The following FBN2 variants were observed in gnomAD, a reference collection of about 807,000 sequenced individuals.
The protein encoded by FBN2 is fibrillin-2.
A neutral mutation model predicts 355.6 loss-of-function variants in FBN2; 105 were observed. The observed-to-expected ratio is 0.30, with a 90% confidence interval of 0.25 to 0.35. The LOEUF (loss-of-function observed/expected upper bound fraction) is 0.35, where lower values mean the gene tolerates loss of function less well. Among genes scored for constraint, FBN2 ranks in the 10% least tolerant of loss-of-function variants. The probability of loss-of-function intolerance (pLI) is 1.00; values close to 1 mark genes in which losing one functional copy is unlikely to be tolerated. For missense variants in FBN2, 3,280 were observed against 3,758.7 expected (o/e 0.87, Z 3.33); for synonymous variants, 1,350 against 1,301.2 (o/e 1.04, Z -0.81).
chr5:128,366,160 G>A (rs1347976532), intron 17 of FBN2, among the ~76,000 whole-genome samples: 1 of 151,874 alleles, frequency 6.6e-6, no homozygotes, highest in African/African-American at 2.4e-5. Context: ...TTTTAACAAT[G>A]CATATTTAAC....
rs756142055 is a variant in FBN2, at chr5:128,332,927, C to T, written c.4207G>A (p.Gly1403Ser). The stretch of plus-strand genomic sequence containing the variant: ...GCAAACTCACCAATACACTTGATGC[C>T]GTTTCCAATCCAGCCTTCTCTGCAG... ...CSCREGWIGN[G>S]IKCIDLDECS... is the part of the protein sequence containing the mutation. The change falls in exon 32 of 65, where the codon GGC becomes AGC. Residue 1403 changes from glycine to serine, a missense_variant. Physicochemically the swap from Gly to Ser is moderately conservative, Grantham distance 56 (BLOSUM62 0). Transcript: ENST00000262464. The T allele has an allele frequency of 1.2e-5, 19 of 1,613,838 alleles. No individual in the cohort carries two copies. In the East Asian group the frequency reaches 1.8e-4, roughly 15 times the overall value.
At position 128,276,149 on chromosome 5, in the gene FBN2, A is replaced by T; in HGVS notation, c.7483T>A (p.Cys2495Ser). 6.2e-7 allele frequency: 1 copy of T among 1,613,760 alleles called. No individual in the cohort carries two copies. The highest frequency in any genetic ancestry group is 8.5e-7 in the Non-Finnish European group (1 of 1,179,732). The change falls in exon 59 of 65, where the codon TGC becomes AGC. Residue 2495 changes from cysteine (C) to serine (S), a missense_variant. This residue lies in a region of FBN2 where 2,284 missense variants were observed against 2,749.5 expected (regional missense o/e 0.83). Coordinates refer to ENST00000262464, the MANE Select transcript of FBN2 (RefSeq NM_001999.4). ...TTGCATGGTTTCGGGGACTGGGAGC[A>T]TTCATCAAGGTCTAAGTAAAAGTGA... is the stretch of plus-strand genomic sequence containing the variant. Reference protein sequence around the residue: ...SGTSCIDLDECSQSPKPCNYI... With the variant: ...SGTSCIDLDESSQSPKPCNYI...
chr5:128,427,487 C>T (rs559863193), intron 7 of FBN2, among the ~76,000 whole-genome samples: 2 of 152,256 alleles, frequency 1.3e-5, no homozygotes, highest in South Asian at 2.1e-4. Context: ...GAACTCTGAC[C>T]GCCATTCTTT....
At chr5:128,395,049 G>C (rs1288170333) in intron 9 of FBN2, 73 bp downstream of exon 9, 6 of 1,562,806 alleles carry the variant, frequency 3.8e-6, no homozygotes, top group Non-Finnish European at 5.3e-6. Context: ...GTCTCCCAGA[G>C]AGCAAAATAC....
intron 15 of FBN2, among the ~76,000 whole-genome samples, chr5:128,373,162 C>T (rs1012562149): frequency 6.6e-6 from 1 of 152,118 alleles, no homozygotes; most frequent in Non-Finnish European, 1.5e-5. Context: ...TTATGTTTTA[C>T]TGAATTCCTA....
chr5:128,344,936 G>T (rs1751130975), intron 24 of FBN2, among the ~76,000 whole-genome samples: 1 of 151,710 alleles, frequency 6.6e-6, no homozygotes. Flanking sequence ...CCTGACCTCA[G>T]GTGATCCACC....
At position 128,537,429 on chromosome 5, in the gene FBN2, G is replaced by T; in HGVS notation, c.175C>A (p.Leu59Ile). The T allele has an allele frequency of 6.2e-7, 1 of 1,609,534 alleles. No individual in the cohort carries two copies. The change falls in exon 1 of 65, where the codon CTA (leucine) becomes ATA (isoleucine). Residue 59 changes from leucine (L) to isoleucine (I), a missense_variant. By Grantham distance (5) the Leu-to-Ile change is conservative. Coordinates refer to ENST00000262464, the MANE Select transcript of FBN2 (RefSeq NM_001999.4). ...CCCTCCTCGCGATACTCGGGCGCTA[G>T]AAACCCGCCTTCAGAGCCTGCTGTA... ...SATAGSEGGF[L>I]APEYREEGAA...
At position 128,286,777 on chromosome 5, in the gene FBN2, G is replaced by T. The variant is rs371248509; in HGVS notation, c.6953C>A (p.Thr2318Asn). The stretch of plus-strand genomic sequence containing the variant: ...TCCAGGAGGGCAGATGCACATGAAG[G>T]TGCCGATTAGATTCTTACACATCAT... ...RGMMCKNLIG[T>N]FMCICPPGMA... The change falls in exon 55 of 65, where the codon ACC (threonine) becomes AAC (asparagine). Residue 2318 changes from threonine (T) to asparagine (N), a missense_variant. This residue lies in a region of FBN2 where 2,284 missense variants were observed against 2,749.5 expected (regional missense o/e 0.83). Coordinates refer to ENST00000262464, the MANE Select transcript of FBN2 (RefSeq NM_001999.4). The T allele has an allele frequency of 1.9e-6, 3 of 1,614,068 alleles. No individual in the cohort carries two copies. Among genetic ancestry groups the T allele is most frequent in the African/African-American group, 2.7e-5 (2 of 75,032 alleles).
At chr5:128,414,477 TA>T (rs1462887685) in intron 7 of FBN2, among the ~76,000 whole-genome samples, 16 of 152,198 alleles carry the variant, frequency 1.1e-4, no homozygotes, top group African/African-American at 3.9e-4. Flanking sequence ...TTTTAATTGC[TA>T]AATAATATTC....
chr5:128,524,226 T>C (rs1756507968), intron 4 of FBN2, among the ~76,000 whole-genome samples: 1 of 152,134 alleles, frequency 6.6e-6, no homozygotes, highest in Non-Finnish European at 1.5e-5. Context: ...CAGAACAATT[T>C]TTCCATAGAT....
At position 128,258,637 on chromosome 5, in the gene FBN2, G is replaced by C. The variant is rs1355878019; in HGVS notation, c.*818C>G. 1 of 152,606 alleles carries C rather than the reference G, an allele frequency of 6.6e-6. No homozygotes were observed. The highest frequency in any genetic ancestry group is 1.5e-5 in the Non-Finnish European group (1 of 68,068). The allele number at this position is 152,606 out of a possible 1,614,324, so 9.5% of individuals were successfully genotyped here. On this transcript the variant is annotated 3_prime_UTR_variant, in exon 65 of 65. Coordinates refer to ENST00000262464, the MANE Select transcript of FBN2 (RefSeq NM_001999.4). ...AGCACATATGGTTCCTTGAGGTTAT[G>C]AGAAGGAAATACAGTACGGTTTGGC...
intron 8 of FBN2, among the ~76,000 whole-genome samples, chr5:128,403,805 A>G (rs908683999): frequency 6.6e-6 from 1 of 152,068 alleles, no homozygotes; most frequent in African/African-American, 2.4e-5. Flanking sequence ...AGATAAACAA[A>G]TCAGAAATTT....
At chr5:128,306,340 C>A (rs569035948) in intron 42 of FBN2, among the ~76,000 whole-genome samples, 1 of 152,174 alleles carries the variant, frequency 6.6e-6, no homozygotes, top group South Asian at 2.1e-4. Context: ...ATTGCTTAGG[C>A]CAGGTGTGGT....
chr5:128,416,424 C>T (rs904906962), intron 7 of FBN2, among the ~76,000 whole-genome samples: 5 of 152,184 alleles, frequency 3.3e-5, no homozygotes, highest in African/African-American at 1.2e-4. Context: ...AATAGAGTCC[C>T]ATTTGTCAAT....
chr5:128,278,572 A>T (rs539324108), intron 57 of FBN2, 63 bp downstream of exon 57: 1 of 1,483,850 alleles, frequency 6.7e-7, no homozygotes, highest in East Asian at 2.3e-5. Flanking sequence ...TTTCCTTCAC[A>T]TTTATCTGAA....
chr5:128,340,399 G>C (rs1457008148), intron 25 of FBN2, among the ~76,000 whole-genome samples: 1 of 151,762 alleles, frequency 6.6e-6, no homozygotes, highest in Non-Finnish European at 1.5e-5. Context: ...CTCATTACTG[G>C]CCATGTGAAA....
chr5:128,402,525 A>C (rs79624673), intron 8 of FBN2, among the ~76,000 whole-genome samples: 224 of 152,280 alleles, frequency 1.5e-3, no homozygotes, highest in African/African-American at 5.1e-3. Context: ...ATAGCTTGAC[A>C]TTTTGTGTAA....
At chr5:128,513,740 C>A (rs906764827) in intron 5 of FBN2, among the ~76,000 whole-genome samples, 1 of 152,148 alleles carries the variant, frequency 6.6e-6, no homozygotes, top group African/African-American at 2.4e-5. Flanking sequence ...CAACACCAAG[C>A]GTCTCCACTT....
At chr5:128,536,041 T>G (rs1004685579) in intron 2 of FBN2, among the ~76,000 whole-genome samples, 1 of 152,148 alleles carries the variant, frequency 6.6e-6, no homozygotes, top group African/African-American at 2.4e-5. Context: ...ATAATTTGCA[T>G]AATAACATGT....
Sources: gnomAD v4.1 joint callset for allele counts (sites outside exome capture counted in the v4.1 genomes callset) on GRCh38, gnomAD v4.1.1 for gene constraint, gnomAD v4.1.1 regional missense constraint, MANE v1.5 for transcripts, NCBI Gene and HGNC (gene_info 2026-07-23, HGNC 2026-07-21) for gene names.